WSB2: variants seen among roughly 807,000 people sequenced by gnomAD.
The protein encoded by WSB2 is WD repeat and SOCS box-containing protein 2.
WSB2 carries 12 observed loss-of-function variants against 48.8 expected under a neutral mutation model. The ratio of observed to expected loss-of-function variants is 0.25; its 90% CI spans 0.16 to 0.40. WSB2 has a LOEUF of 0.40. WSB2 is among the 10% of genes least tolerant of loss of function. WSB2 has a pLI of 1.00. For missense variants in WSB2, 317 were observed against 506.2 expected (o/e 0.63, Z 3.59); for synonymous variants, 191 against 203.1 (o/e 0.94, Z 0.51).
rs75905224 is a variant in WSB2 at position 118,058,988 on chromosome 12, G to A, written c.13+2048C>T. ...TGAGATTACAGACGTGAGCCACCCC[G>A]GCGCATTTGGTTGATATTTTCTTGA... On this transcript the variant is annotated intron_variant, in intron 1 of 8. Transcript: ENST00000315436. Among the ~76,000 whole-genome samples, 201 of 152,108 alleles carry A rather than the reference G, an allele frequency of 1.3e-3. 5 individuals carry two copies. In the East Asian group the frequency reaches 0.027, roughly 21 times the overall value.
chr12:118,061,342 C>T (rs142026288), upstream of WSB2: 1 of 250,466 alleles, frequency 4.0e-6, no homozygotes, highest in Middle Eastern at 2.0e-3. Context: ...AGGGGTTGCT[C>T]AGGGGAAACG....
At chr12:118,042,333 GA>G (rs2031653265) in intron 4 of WSB2, 1 of 154,652 alleles carries the variant, frequency 6.5e-6, no homozygotes, top group South Asian at 2.0e-4. Context: ...AACTGGAGAG[GA>G]TGCTACTGGC....
At chr12:118,046,667 C>G (rs1163968798) in intron 2 of WSB2, among the ~76,000 whole-genome samples, 1 of 152,216 alleles carries the variant, frequency 6.6e-6, no homozygotes, top group Non-Finnish European at 1.5e-5. Context: ...TCACGAGAAG[C>G]AGCACTTAAG....
intron 1 of WSB2, among the ~76,000 whole-genome samples, chr12:118,056,599 CA>C (rs1311733978): frequency 6.6e-6 from 1 of 151,976 alleles, no homozygotes; most frequent in Non-Finnish European, 1.5e-5. Context: ...ACTCTTTAAA[CA>C]AAAAAGTAAC....
intron 4 of WSB2, among the ~76,000 whole-genome samples, chr12:118,039,083 T>C (rs540202432): frequency 4.3e-4 from 66 of 152,278 alleles, no homozygotes; most frequent in Admixed American, 3.6e-3. Context: ...TTATCTTCAT[T>C]TAAACTCTGT....
upstream of WSB2, chr12:118,062,028 C>T: frequency 3.5e-6 from 5 of 1,432,698 alleles, no homozygotes; most frequent in Non-Finnish European, 4.7e-6. Context: ...GGGTGAAAAC[C>T]GGAGTGGGGG....
At chr12:118,035,190 T>C (rs1444127118) in intron 7 of WSB2, 24 bp downstream of exon 7, 33 of 1,613,626 alleles carry the variant, frequency 2.0e-5, no homozygotes, top group Non-Finnish European at 2.4e-5. Flanking sequence ...TCTGAGGCCA[T>C]GTAAAGAGAG....
At chr12:118,047,296 G>C (rs1025239584) in intron 2 of WSB2, among the ~76,000 whole-genome samples, 1 of 152,146 alleles carries the variant, frequency 6.6e-6, no homozygotes, top group Non-Finnish European at 1.5e-5. Flanking sequence ...CAAATACTTT[G>C]AGTTTGCTAA....
chr12:118,057,564 C>T (rs1200166644), intron 1 of WSB2, among the ~76,000 whole-genome samples: 3 of 151,992 alleles, frequency 2.0e-5, no homozygotes, highest in Non-Finnish European at 4.4e-5. Context: ...CGTGAGTCAC[C>T]GCGTCCAGCC....
rs1456272956 is a variant in WSB2, at chr12:118,061,097, CG to C, written c.-50del. The C allele has an allele frequency of 2.0e-6, 2 of 980,668 alleles. No individual in the cohort carries two copies. Among genetic ancestry groups the C allele is most frequent in the Non-Finnish European group, 2.4e-6 (2 of 828,168 alleles). The allele number at this position is 980,668 out of a possible 1,614,324, so 60.7% of individuals were successfully genotyped here. A position where few individuals can be genotyped will look rare whatever the true frequency, so the allele number is the denominator to read the frequency against. ...GCAGGCGGCGGGCGCCTCAGCCCCC[CG>C]GGCCGCGGGCCCTCATGCCGCCCCC... On this transcript the variant is annotated 5_prime_UTR_variant, in exon 1 of 9. The change abolishes the stop of an existing upstream ORF in the 5' untranslated region. Coordinates refer to ENST00000315436, the MANE Select transcript of WSB2 (RefSeq NM_018639.5).
intron 4 of WSB2, among the ~76,000 whole-genome samples, chr12:118,040,177 A>C (rs1038616141): frequency 6.6e-6 from 1 of 152,048 alleles, no homozygotes; most frequent in African/African-American, 2.4e-5. Flanking sequence ...TGTCTCAAAA[A>C]ATAAAGGTCA....
At chr12:118,040,978 G>A (rs1366082162) in intron 4 of WSB2, among the ~76,000 whole-genome samples, 2 of 152,254 alleles carry the variant, frequency 1.3e-5, no homozygotes, top group African/African-American at 4.8e-5. Flanking sequence ...GAACCTGGGA[G>A]GCGGAGGTTG....
intron 2 of WSB2, among the ~76,000 whole-genome samples, chr12:118,047,023 C>T (rs1253642441): frequency 6.6e-6 from 1 of 152,204 alleles, no homozygotes; most frequent in Admixed American, 6.5e-5. Context: ...CACCCCACCT[C>T]AGCCTCCCAA....
chr12:118,033,915 C>A lies in WSB2; in HGVS notation c.*281G>T. ...TAACTGCACTTTGAATCAAAACAAG[C>A]AGAAAGAGTTCAACACTTGCTGTTC... On this transcript the variant is annotated 3_prime_UTR_variant, in exon 9 of 9. Coordinates refer to ENST00000315436, the MANE Select transcript of WSB2 (RefSeq NM_018639.5). The A allele has an allele frequency of 2.5e-6, 1 of 403,032 alleles. No homozygotes were observed. The highest frequency in any genetic ancestry group is 4.6e-6 in the Non-Finnish European group (1 of 218,534). The allele number at this position is 403,032 out of a possible 1,614,324, so 25.0% of individuals were successfully genotyped here.
rs1168537554 is a variant in WSB2, at chr12:118,034,083, T to C, written c.*113A>G. On this transcript the variant is annotated 3_prime_UTR_variant, in exon 9 of 9. Transcript: ENST00000315436. ...TGGTTTTGCTACATTCTATTCACAA[T>C]CCCAAAGAAATGCTATTTCAATGCA... The C allele has an allele frequency of 3.5e-6, 5 of 1,410,342 alleles. No individual in the cohort carries two copies. In the Admixed American group the frequency reaches 7.3e-5, roughly 20 times the overall value. 87.4% of individuals were successfully genotyped at this position (1,410,342 alleles called of 1,614,324 possible). A position where few individuals can be genotyped will look rare whatever the true frequency, so the allele number is the denominator to read the frequency against.
rs1384549257 is a variant in WSB2 at position 118,042,831 on chromosome 12, C to G, written c.559+10G>C. On this transcript the variant is annotated intron_variant, in intron 4 of 8. Transcript: ENST00000315436. ...TTGGAGTTGCCGAGTAGTTCCTTCA[C>G]TTCCCATACCGTGTTTATTCAGGTC... is the stretch of plus-strand genomic sequence containing the variant. 1.2e-6 allele frequency: 2 copies of G among 1,613,064 alleles called. No homozygotes were observed. Among genetic ancestry groups the G allele is most frequent in the East Asian group, 2.2e-5 (1 of 44,880 alleles).
At chr12:118,055,989 C>A (rs1259336215) in intron 1 of WSB2, among the ~76,000 whole-genome samples, 1 of 151,654 alleles carries the variant, frequency 6.6e-6, no homozygotes, top group Non-Finnish European at 1.5e-5. Flanking sequence ...CTTGCCAAAT[C>A]TAACCCCTCT....
chr12:118,059,734 C>G (rs1697083035), intron 1 of WSB2, among the ~76,000 whole-genome samples: 1 of 134,272 alleles, frequency 7.4e-6, no homozygotes, highest in African/African-American at 2.8e-5. Context: ...AAAAGATTCA[C>G]ATAGGATCTA....
At chr12:118,052,007 G>T (rs1463516729) in intron 2 of WSB2, among the ~76,000 whole-genome samples, 5 of 152,160 alleles carry the variant, frequency 3.3e-5, no homozygotes, top group African/African-American at 7.2e-5. Flanking sequence ...TGATGATGGT[G>T]ATGGATGCAC....
Sources: allele counts gnomAD v4.1 joint callset (sites outside exome capture counted in the v4.1 genomes callset), GRCh38; gene constraint gnomAD v4.1.1; transcripts MANE v1.5; gene names NCBI Gene and HGNC (gene_info 2026-07-23, HGNC 2026-07-21).